ZBTB7A: variants seen among roughly 807,000 people sequenced by gnomAD.
ZBTB7A encodes zinc finger and BTB domain-containing protein 7A.
A neutral mutation model predicts 26.7 loss-of-function variants in ZBTB7A; 7 were observed. The ratio of observed to expected loss-of-function variants is 0.26; its 90% CI spans 0.15 to 0.49. The LOEUF (loss-of-function observed/expected upper bound fraction) is 0.49, where lower values mean the gene tolerates loss of function less well. Ranked by LOEUF, ZBTB7A falls within the 20% of genes least tolerant of loss-of-function variation. The pLI, the probability that ZBTB7A is intolerant of heterozygous loss-of-function variation, is 0.98. For missense variants in ZBTB7A, 617 were observed against 919.5 expected (o/e 0.67, Z 4.25); for synonymous variants, 452 against 441.0 (o/e 1.02, Z -0.31).
At chr19:4,063,430 C>T (rs2040659786) in intron 1 of ZBTB7A, among the ~76,000 whole-genome samples, 5 of 152,202 alleles carry the variant, frequency 3.3e-5, no homozygotes, top group Admixed American at 3.3e-4. Context: ...CCTCTGAGGA[C>T]CAAGGTGAGA....
intron 1 of ZBTB7A, among the ~76,000 whole-genome samples, chr19:4,056,950 C>T (rs1312816317): frequency 6.7e-6 from 1 of 149,790 alleles, no homozygotes; most frequent in Admixed American, 6.7e-5. Flanking sequence ...TCGCTTGAAC[C>T]CGGGAGGCGA....
chr19:4,066,774 TCTGCCCGCGTCGCG>T lies in ZBTB7A; in HGVS notation c.-122_-109del, dbSNP rs1599267138. ...CGCCTCCGGGGTCCGCGGCGCTCGC[TCTGCCCGCGTCGCG>T]CTGCCCTGGTCGCTCCCTCGCGCGG... On this transcript the variant is annotated 5_prime_UTR_variant, in exon 1 of 3. Coordinates refer to ENST00000322357, the MANE Select transcript of ZBTB7A (RefSeq NM_015898.4). The T allele has an allele frequency of 6.6e-6, 1 of 151,840 alleles. No individual in the cohort carries two copies. Among genetic ancestry groups the T allele is most frequent in the Non-Finnish European group, 1.5e-5 (1 of 67,946 alleles). 9.4% of individuals were successfully genotyped at this position (151,840 alleles called of 1,614,324 possible). A position where few individuals can be genotyped will look rare whatever the true frequency, so the allele number is the denominator to read the frequency against.
Position 4,048,371 on chromosome 19 carries a change from G to C in ZBTB7A, c.1263-127C>G, listed in dbSNP as rs113762594. 2.9e-5 allele frequency: 37 copies of C among 1,297,510 alleles called. 1 individual carries two copies. In the African/African-American group the frequency reaches 5.0e-4, roughly 17 times the overall value. The allele number at this position is 1,297,510 out of a possible 1,614,324, so 80.4% of individuals were successfully genotyped here. ...TGCAGAACACGGACCGTGCACCAGA[G>C]GTTTCGGTGCCCCGATGGGGACGGT... On this transcript the variant is annotated intron_variant, in intron 2 of 2. Coordinates refer to ENST00000322357, the MANE Select transcript of ZBTB7A (RefSeq NM_015898.4). This position sits in a 1 kb window ranked among gnomAD's most constrained non-coding sequence, Gnocchi z 6.7.
At chr19:4,053,941 A>G in intron 2 of ZBTB7A, 30 bp downstream of exon 2, 1 of 1,562,630 alleles carries the variant, frequency 6.4e-7, no homozygotes, top group East Asian at 2.2e-5. Flanking sequence ...AGAGAGCAGG[A>G]CGGCGCCTCC....
At position 4,054,245 on chromosome 19, in the gene ZBTB7A, C is replaced by G; in HGVS notation, c.988G>C (p.Ala330Pro). ...LQQMMSSVGR[A>P]GAAAGDSDEE... ...TCGCTGTCCCCCGCCGCGGCCCCCGCCCGGCCCACCGATGACATCATCTGC... is the reference window on the plus strand; with the variant it reads ...TCGCTGTCCCCCGCCGCGGCCCCCGGCCGGCCCACCGATGACATCATCTGC... Residue 330 changes from alanine (A) to proline (P), a missense_variant, in exon 2 of 3, where the codon GCG becomes CCG. Ala to Pro is a conservative substitution (Grantham distance 27). Coordinates refer to ENST00000322357, the MANE Select transcript of ZBTB7A (RefSeq NM_015898.4). 6.3e-7 allele frequency: 1 copy of G among 1,579,000 alleles called. No homozygotes were observed. The highest frequency in any genetic ancestry group is 8.5e-7 in the Non-Finnish European group (1 of 1,169,604).
At chr19:4,049,020 G>C (rs1038516295) in intron 2 of ZBTB7A, among the ~76,000 whole-genome samples, 4 of 148,994 alleles carry the variant, frequency 2.7e-5, no homozygotes, top group African/African-American at 7.4e-5. Context: ...TTGTCCCCCA[G>C]GCTGGAGGGC....
At chr19:4,053,719 G>A (rs1210142970) in intron 2 of ZBTB7A, among the ~76,000 whole-genome samples, 1 of 151,540 alleles carries the variant, frequency 6.6e-6, no homozygotes, top group Admixed American at 6.6e-5. Flanking sequence ...ATGTGTACGT[G>A]GCATACGCGT....
chr19:4,063,329 G>A (rs761033262), intron 1 of ZBTB7A, among the ~76,000 whole-genome samples: 1 of 152,204 alleles, frequency 6.6e-6, no homozygotes, highest in Non-Finnish European at 1.5e-5. Context: ...AACCCTTGAG[G>A]AGCCCTCCTT....
In ZBTB7A at chr19:4,054,945, C is replaced by T. The variant is rs368911824; in HGVS notation, c.288G>A (p.Thr96=). ...CCACGTTGGCTGTGCTGACGGTGAG[C>T]GTGGCCGTGTAGGCGAAGTCCATGA... ...TALMDFAYTA[T]LTVSTANVGD... The change falls in exon 2 of 3, where the codon ACG becomes ACA. Residue 96 remains threonine, a synonymous_variant. Coordinates refer to ENST00000322357, the MANE Select transcript of ZBTB7A (RefSeq NM_015898.4). 1.5e-4 allele frequency: 243 copies of T among 1,611,530 alleles called. No homozygotes were observed. The highest frequency in any genetic ancestry group is 2.0e-4 in the Non-Finnish European group (236 of 1,179,694).
At chr19:4,063,816 C>T (rs749565951) in intron 1 of ZBTB7A, among the ~76,000 whole-genome samples, 1 of 152,204 alleles carries the variant, frequency 6.6e-6, no homozygotes, top group African/African-American at 2.4e-5. Flanking sequence ...CTCTCTGCTT[C>T]CCCCTACGCT....
At chr19:4,056,134 T>G (rs1234553605) in intron 1 of ZBTB7A, among the ~76,000 whole-genome samples, 1 of 151,818 alleles carries the variant, frequency 6.6e-6, no homozygotes, top group African/African-American at 2.4e-5. Flanking sequence ...CAGCCTCAGT[T>G]TCCCCAGCTG....
At chr19:4,051,165 T>C (rs1477530220) in intron 2 of ZBTB7A, among the ~76,000 whole-genome samples, 1 of 145,488 alleles carries the variant, frequency 6.9e-6, no homozygotes, top group African/African-American at 2.6e-5. Flanking sequence ...TGCCAATCTA[T>C]AGTAATAAAG....
chr19:4,058,131 G>A (rs1005965272), intron 1 of ZBTB7A, among the ~76,000 whole-genome samples: 3 of 152,168 alleles, frequency 2.0e-5, no homozygotes, highest in Non-Finnish European at 2.9e-5. Flanking sequence ...CAGTGACTCC[G>A]CAGGCTAAAC....
intron 1 of ZBTB7A, among the ~76,000 whole-genome samples, chr19:4,057,793 A>C (rs558058521): frequency 6.6e-6 from 1 of 151,632 alleles, no homozygotes; most frequent in East Asian, 1.9e-4. Flanking sequence ...AAAAAAAAAA[A>C]AAAAACAATA....
At position 4,052,294 on chromosome 19, in the gene ZBTB7A, C is replaced by T. The variant is rs1231506846; in HGVS notation, c.1262+1677G>A. Reference sequence around the variant, plus strand: ...CAGTTCTCTGCACCCCACCAAGCTGCTCTTCCTGAGCTCAGAGACGAACCC... The same window carrying T: ...CAGTTCTCTGCACCCCACCAAGCTGTTCTTCCTGAGCTCAGAGACGAACCC... On this transcript the variant is annotated intron_variant, in intron 2 of 2. Transcript: ENST00000322357. The surrounding 1 kb of genome is among the most constrained non-coding windows in gnomAD (Gnocchi z 4.9). Among the ~76,000 whole-genome samples the T allele has an allele frequency of 2.0e-5, 3 of 152,220 alleles. No individual in the cohort carries two copies. Among genetic ancestry groups the T allele is most frequent in the Non-Finnish European group, 4.4e-5 (3 of 68,032 alleles).
In ZBTB7A at chr19:4,054,294, C is replaced by T. The variant is rs748915346; in HGVS notation, c.939G>A (p.Gly313=). 50 of 1,541,990 alleles carry T rather than the reference C, an allele frequency of 3.2e-5. No individual in the cohort carries two copies. Among genetic ancestry groups the T allele is most frequent in the Non-Finnish European group, 4.3e-5 (49 of 1,150,132 alleles). Residue 313 remains glycine, a synonymous_variant, in exon 2 of 3, where the codon GGG becomes GGA. Transcript: ENST00000322357. ...GEDGDGPDVD[G]LAASTLLQQM... is the part of the protein sequence containing the mutation. ...GCTGCAGCAGCGTGCTGGCCGCCAGCCCGTCCACGTCGGGCCCGTCCCCGT... is the reference window on the plus strand; with the variant it reads ...GCTGCAGCAGCGTGCTGGCCGCCAGTCCGTCCACGTCGGGCCCGTCCCCGT...
rs2144970223 is a variant in ZBTB7A, at chr19:4,047,363, C to T, written c.*389G>A. ...CCCCCCCAGCGCCCCCACGTCTACC[C>T]TCCCCCCAGCCCAGGGCCTCGGATC... On this transcript the variant is annotated 3_prime_UTR_variant, in exon 3 of 3. Coordinates refer to ENST00000322357, the MANE Select transcript of ZBTB7A (RefSeq NM_015898.4). 1 of 152,966 alleles carries T rather than the reference C, an allele frequency of 6.5e-6. No homozygotes were observed. Among genetic ancestry groups the T allele is most frequent in the Admixed American group, 6.5e-5 (1 of 15,326 alleles). The allele number at this position is 152,966 out of a possible 1,614,324, so 9.5% of individuals were successfully genotyped here.
chr19:4,054,295 C>A lies in ZBTB7A; in HGVS notation c.938G>T (p.Gly313Val). Residue 313 changes from glycine (G) to valine (V), a missense_variant, in exon 2 of 3, where the codon GGG becomes GTG. By Grantham distance (109) the Gly-to-Val change is moderately radical (BLOSUM62 -3). This residue lies in a region of ZBTB7A where 331 missense variants were observed against 391.3 expected (regional missense o/e 0.85). Transcript: ENST00000322357. ...GEDGDGPDVD[G>V]LAASTLLQQM... Reference sequence around the variant, plus strand: ...CTGCAGCAGCGTGCTGGCCGCCAGCCCGTCCACGTCGGGCCCGTCCCCGTC... The same window carrying A: ...CTGCAGCAGCGTGCTGGCCGCCAGCACGTCCACGTCGGGCCCGTCCCCGTC... 1 of 1,539,724 alleles carries A rather than the reference C, an allele frequency of 6.5e-7. No individual in the cohort carries two copies.
intron 1 of ZBTB7A, chr19:4,062,551 CG>C (rs1348665526): frequency 6.6e-6 from 1 of 152,258 alleles, no homozygotes; most frequent in Non-Finnish European, 1.5e-5. Context: ...AATTTGAGCA[CG>C]GGCCGTCTGT....
Sources: gnomAD v4.1 joint callset for allele counts (sites outside exome capture counted in the v4.1 genomes callset) on GRCh38, gnomAD v4.1.1 for gene constraint, gnomAD v4.1.1 regional missense constraint, Gnocchi (gnomAD v3.1) non-coding constraint, MANE v1.5 for transcripts, NCBI Gene and HGNC (gene_info 2026-07-23, HGNC 2026-07-21) for gene names.